Variants in GSN observed in about 807,000 individuals in gnomAD.
GSN encodes the protein actin-depolymerizing factor.
A neutral mutation model predicts 85.7 loss-of-function variants in GSN; 56 were observed. The observed-to-expected ratio is 0.65, with a 90% confidence interval of 0.53 to 0.82. The LOEUF is 0.82. GSN is among the 40% of genes least tolerant of loss of function. The probability of loss-of-function intolerance (pLI) is 0.00; values close to 1 mark genes in which losing one functional copy is unlikely to be tolerated. For missense variants in GSN, 857 were observed against 979.8 expected (o/e 0.87, Z 1.67); for synonymous variants, 373 against 399.1 (o/e 0.93, Z 0.78).
In GSN at chr9:121,328,972, C is replaced by G; in HGVS notation, c.1844C>G (p.Pro615Arg). 6.2e-7 allele frequency: 1 copy of G among 1,614,022 alleles called. No homozygotes were observed. Among genetic ancestry groups the G allele is most frequent in the Non-Finnish European group, 8.5e-7 (1 of 1,180,012 alleles). The change falls in exon 15 of 18, where the codon CCT (proline) becomes CGT (arginine). Residue 615 changes from proline to arginine, a missense_variant. By Grantham distance (103) the Pro-to-Arg change is moderately radical (BLOSUM62 -2). Coordinates refer to ENST00000432226, the MANE Select transcript of GSN (RefSeq NM_198252.3). ...RLKDKKMDAH[P>R]PRLFACSNKI... ...AAGGACAAGAAGATGGATGCCCATC[C>G]TCCTCGCCTCTTTGCCTGCTCCAAC...
intron 2 of GSN, among the ~76,000 whole-genome samples, chr9:121,291,989 C>T (rs2058736998): frequency 6.6e-6 from 1 of 152,086 alleles, no homozygotes; most frequent in Non-Finnish European, 1.5e-5. Flanking sequence ...CTCGACTTCC[C>T]AGGCTCAAGT....
At chr9:121,273,914 G>A (rs1026591952) in intron 1 of GSN, among the ~76,000 whole-genome samples, 1 of 152,094 alleles carries the variant, frequency 6.6e-6, no homozygotes, top group Non-Finnish European at 1.5e-5. Context: ...CCAAGACTGG[G>A]GCTCCCCAGG....
At chr9:121,238,175 G>C (rs572713890) in intron 5 of GSN, 1 of 152,658 alleles carries the variant, frequency 6.6e-6, no homozygotes, top group South Asian at 2.1e-4. Flanking sequence ...TTAATACTTA[G>C]TGTCAACTTG....
At chr9:121,265,039 C>T (rs1338595759), upstream of GSN, 1 of 152,230 alleles carries the variant, frequency 6.6e-6, no homozygotes, top group Non-Finnish European at 1.5e-5. Flanking sequence ...TGGTCTGATC[C>T]TGAGGCCCAG....
Position 121,312,467 on chromosome 9 carries a change from T to C in GSN, c.642T>C (p.Thr214=). The change falls in exon 6 of 18, where the codon ACT becomes ACC. Residue 214 remains threonine (T), a synonymous_variant. Transcript: ENST00000432226. ...RARVHVSEEG[T]EPEAMLQVLG... ...GAGTGCACGTGTCTGAGGAGGGCAC[T>C]GAGCCCGAGGCGATGCTCCAGGTGC... The C allele has an allele frequency of 6.2e-7, 1 of 1,613,454 alleles. No individual in the cohort carries two copies. The highest frequency in any genetic ancestry group is 8.5e-7 in the Non-Finnish European group (1 of 1,179,670).
chr9:121,212,731 A>T (rs1467179804), intron 4 of GSN, among the ~76,000 whole-genome samples: 1 of 146,194 alleles, frequency 6.8e-6, no homozygotes, highest in Non-Finnish European at 1.5e-5. Context: ...GCAACCTCCT[A>T]CTCCCTGATT....
chr9:121,270,229 A>G (rs957469941), intron 1 of GSN, among the ~76,000 whole-genome samples: 13 of 152,226 alleles, frequency 8.5e-5, no homozygotes, highest in Admixed American at 8.5e-4. Context: ...TTGAGAATCT[A>G]AATGAAAATG....
intron 4 of GSN, among the ~76,000 whole-genome samples, chr9:121,304,888 A>T (rs921449837): frequency 5.3e-5 from 8 of 152,070 alleles, no homozygotes; most frequent in Admixed American, 5.2e-4. Flanking sequence ...GAGTGTTCTG[A>T]GGAGTTGGGG....
chr9:121,319,523 A>C (rs968295271), intron 10 of GSN, among the ~76,000 whole-genome samples: 1 of 147,718 alleles, frequency 6.8e-6, no homozygotes, highest in Non-Finnish European at 1.5e-5. Flanking sequence ...GGGTCTCGCT[A>C]TGTTGCCCGG....
chr9:121,299,770 T>C lies in GSN; in HGVS notation c.-9-2193T>C. The C allele has an allele frequency of 3.3e-6, 4 of 1,204,054 alleles. No homozygotes were observed. The highest frequency in any genetic ancestry group is 4.2e-6 in the Non-Finnish European group (4 of 960,912). 74.6% of individuals were successfully genotyped at this position (1,204,054 alleles called of 1,614,324 possible). On this transcript the variant is annotated intron_variant, in intron 2 of 17. Transcript: ENST00000432226. This position sits in a 1 kb window ranked among gnomAD's most constrained non-coding sequence, Gnocchi z 4.2. Reference sequence around the variant, plus strand: ...GCCCCGCGCCCTCCCTGGGGGGCGGTCCCCGGCTTGGGCGGGATGGGCGGG... The same window carrying C: ...GCCCCGCGCCCTCCCTGGGGGGCGGCCCCCGGCTTGGGCGGGATGGGCGGG...
At position 121,302,151 on chromosome 9, in the gene GSN, C is replaced by T. The variant is rs139689268; in HGVS notation, c.180C>T (p.Asp60=). 6.2e-7 allele frequency: 1 copy of T among 1,614,082 alleles called. No homozygotes were observed. The highest frequency in any genetic ancestry group is 1.7e-5 in the Admixed American group (1 of 60,036). ...VQLRNGNLQY[D]LHYWLGNECS... ...TGAGGAACGGAAATCTGCAGTATGACCTCCACTACTGGCTGGGTGAGGCTG... is the reference window on the plus strand; with the variant it reads ...TGAGGAACGGAAATCTGCAGTATGATCTCCACTACTGGCTGGGTGAGGCTG... Residue 60 remains aspartate (D), a synonymous_variant, in exon 3 of 18, where the codon GAC becomes GAT. Coordinates refer to ENST00000432226, the MANE Select transcript of GSN (RefSeq NM_198252.3).
intron 7 of GSN, 117 bp from the exon 8 acceptor site, chr9:121,316,969 C>A: frequency 2.3e-6 from 3 of 1,287,330 alleles, no homozygotes; most frequent in Non-Finnish European, 3.4e-6. Flanking sequence ...CGAGAGGAAG[C>A]CCAGGTGTTA....
intron 5 of GSN, chr9:121,238,945 A>T (rs1023887701): frequency 2.2e-5 from 12 of 536,224 alleles, no homozygotes; most frequent in Non-Finnish European, 4.2e-5. Context: ...AGCAGACTTC[A>T]TGAACAGTGA....
At chr9:121,309,156 T>C (rs2060779681) in intron 4 of GSN, 1 of 152,272 alleles carries the variant, frequency 6.6e-6, no homozygotes, top group Non-Finnish European at 1.5e-5. Context: ...ACTTCACTTC[T>C]CTGGGCTTCA....
intron 6 of GSN, among the ~76,000 whole-genome samples, chr9:121,259,576 C>T (rs2055037643): frequency 6.6e-6 from 1 of 152,106 alleles, no homozygotes; most frequent in Non-Finnish European, 1.5e-5. Context: ...GATTCTGTGG[C>T]ATAGGGGCAT....
chr9:121,241,580 G>A (rs182222461), intron 5 of GSN, among the ~76,000 whole-genome samples: 89 of 152,302 alleles, frequency 5.8e-4, no homozygotes, highest in Non-Finnish European at 1.1e-3. Flanking sequence ...CAGAGCTGTA[G>A]CAATGATCAT....
At chr9:121,290,866 A>G (rs2058616470) in intron 2 of GSN, among the ~76,000 whole-genome samples, 1 of 152,016 alleles carries the variant, frequency 6.6e-6, no homozygotes, top group Admixed American at 6.6e-5. Context: ...AGAGAGAGAC[A>G]GGGTCTCACG....
chr9:121,257,699 C>A (rs2054994991), intron 6 of GSN, among the ~76,000 whole-genome samples: 1 of 152,150 alleles, frequency 6.6e-6, no homozygotes, highest in Admixed American at 6.5e-5. Flanking sequence ...GGCGAAACCC[C>A]ATCTCTACTA....
chr9:121,311,213 A>G, intron 5 of GSN: 1 of 333,062 alleles, frequency 3.0e-6, no homozygotes, highest in South Asian at 2.8e-5. Context: ...ATACTCGGGT[A>G]TGTTGTTTAA....
Sources: gnomAD v4.1 joint callset for allele counts (sites outside exome capture counted in the v4.1 genomes callset) on GRCh38, gnomAD v4.1.1 for gene constraint, Gnocchi (gnomAD v3.1) non-coding constraint, MANE v1.5 for transcripts, NCBI Gene and HGNC (gene_info 2026-07-23, HGNC 2026-07-21) for gene names.